LRRTM4: variants seen among roughly 807,000 people sequenced by gnomAD.
The protein encoded by LRRTM4 is leucine-rich repeat transmembrane neuronal protein 4.
Under a neutral mutation model 47.6 loss-of-function variants are expected in LRRTM4, and 25 were observed. The ratio of observed to expected loss-of-function variants is 0.53; its 90% CI spans 0.38 to 0.73. The LOEUF is 0.73. Ranked by LOEUF, LRRTM4 falls within the 30% of genes least tolerant of loss-of-function variation. LRRTM4 has a pLI of 0.00. For missense variants in LRRTM4, 638 were observed against 713.4 expected, an observed-to-expected ratio of 0.89 and a Z score of 1.20; for synonymous variants, 311 against 269.5, an observed-to-expected ratio of 1.15 and a Z score of -1.51.
At chr2:77,231,178 G>A (rs1019430186) in intron 3 of LRRTM4, among the ~76,000 whole-genome samples, 2 of 151,798 alleles carry the variant, frequency 1.3e-5, no homozygotes, top group Admixed American at 6.6e-5. Flanking sequence ...CCCATGGCGT[G>A]AGGATAAACA....
intron 3 of LRRTM4, among the ~76,000 whole-genome samples, chr2:77,036,542 T>C (rs1225110718): frequency 6.7e-6 from 1 of 148,646 alleles, no homozygotes; most frequent in African/African-American, 2.4e-5. Flanking sequence ...ACAATCCTTA[T>C]CATCATTTAC....
chr2:76,791,817 C>A (rs529355510), intron 3 of LRRTM4, among the ~76,000 whole-genome samples: 2 of 152,254 alleles, frequency 1.3e-5, no homozygotes, highest in East Asian at 3.9e-4. Flanking sequence ...GTATTTGTCA[C>A]AGGAAATCAA....
At chr2:77,144,743 C>T (rs1672211314) in intron 3 of LRRTM4, among the ~76,000 whole-genome samples, 1 of 151,940 alleles carries the variant, frequency 6.6e-6, no homozygotes, top group Non-Finnish European at 1.5e-5. Flanking sequence ...AGCCTATAGA[C>T]TATCATATGT....
intron 3 of LRRTM4, among the ~76,000 whole-genome samples, chr2:77,386,700 C>T (rs1673290994): frequency 1.3e-5 from 2 of 152,070 alleles, no homozygotes; most frequent in African/African-American, 2.4e-5. Flanking sequence ...GAAAACCAAA[C>T]ACCGCATGTT....
intron 3 of LRRTM4, among the ~76,000 whole-genome samples, chr2:76,932,828 C>A (rs2103838868): frequency 6.6e-6 from 1 of 151,412 alleles, no homozygotes; most frequent in African/African-American, 2.4e-5. Context: ...ATGATGTGTT[C>A]TTTTTTTGGT....
chr2:76,988,928 G>A (rs1676905579), intron 3 of LRRTM4, among the ~76,000 whole-genome samples: 1 of 151,710 alleles, frequency 6.6e-6, no homozygotes, highest in Admixed American at 6.6e-5. Flanking sequence ...GTAGTGTTTA[G>A]CAAAACAAAT....
intron 3 of LRRTM4, among the ~76,000 whole-genome samples, chr2:77,069,437 GTTT>G (rs1475859127): frequency 1.4e-4 from 20 of 146,964 alleles, no homozygotes; most frequent in Admixed American, 6.1e-4. Flanking sequence ...GTGTGTGTGT[GTTT>G]GTGTGTGTTG....
chr2:77,340,303 T>A (rs1282157124), intron 3 of LRRTM4, among the ~76,000 whole-genome samples: 1 of 151,802 alleles, frequency 6.6e-6, no homozygotes, highest in Non-Finnish European at 1.5e-5. Context: ...TTCACAGATC[T>A]TGGGGGTAAA....
chr2:76,795,984 G>A (rs537573197), intron 3 of LRRTM4, among the ~76,000 whole-genome samples: 203 of 146,262 alleles, frequency 1.4e-3, no homozygotes, highest in Middle Eastern at 3.4e-3. Context: ...GAAGCAGGGC[G>A]AGGCATTGCC....
intron 3 of LRRTM4, among the ~76,000 whole-genome samples, chr2:77,310,480 C>T (rs995636039): frequency 7.9e-5 from 12 of 152,112 alleles, no homozygotes; most frequent in Non-Finnish European, 7.4e-5. Context: ...GCTTGCCAGC[C>T]TCACGGACTA....
chr2:76,944,666 CTCT>C (rs1411987198), intron 3 of LRRTM4, among the ~76,000 whole-genome samples: 2 of 152,030 alleles, frequency 1.3e-5, no homozygotes, highest in Non-Finnish European at 2.9e-5. Context: ...CTCGTCTGCT[CTCT>C]TCAATTTTTT....
At chr2:76,823,271 G>A (rs867690631) in intron 3 of LRRTM4, among the ~76,000 whole-genome samples, 1 of 151,194 alleles carries the variant, frequency 6.6e-6, no homozygotes, top group Non-Finnish European at 1.5e-5. Context: ...TAGCAATAAA[G>A]ATTACCTTAT....
intron 3 of LRRTM4, among the ~76,000 whole-genome samples, chr2:77,047,622 A>G (rs1448699622): frequency 1.3e-5 from 2 of 151,966 alleles, no homozygotes; most frequent in East Asian, 1.9e-4. Flanking sequence ...TAATCTTGCC[A>G]TTTTATAAAG....
chr2:76,905,035 G>A (rs1335302819), intron 3 of LRRTM4, among the ~76,000 whole-genome samples: 2 of 152,126 alleles, frequency 1.3e-5, no homozygotes, highest in Non-Finnish European at 2.9e-5. Context: ...AGAACAGGCA[G>A]ACTGCCTCCT....
Position 76,981,418 on chromosome 2 carries a change from G to A in LRRTM4, c.1552-232502C>T, listed in dbSNP as rs1212589612. 1.1e-4 allele frequency among the ~76,000 whole-genome samples: 17 copies of A among 152,094 alleles called. 1 individual carries two copies. The highest frequency in any genetic ancestry group is 2.5e-4 in the Non-Finnish European group (17 of 67,994). Reference sequence around the variant, plus strand: ...GCATACATCTGCCATGGCAGAGACAGCTGGGCTTTGCAAATCAAAATCTAT... The same window carrying A: ...GCATACATCTGCCATGGCAGAGACAACTGGGCTTTGCAAATCAAAATCTAT... On this transcript the variant is annotated intron_variant, in intron 3 of 3. Transcript: ENST00000409884.
At chr2:76,934,712 C>T (rs1376964870) in intron 3 of LRRTM4, among the ~76,000 whole-genome samples, 1 of 152,134 alleles carries the variant, frequency 6.6e-6, no homozygotes, top group African/African-American at 2.4e-5. Flanking sequence ...AACAGCTCAC[C>T]ACTACTCCCA....
At chr2:77,329,458 T>A (rs1287778743) in intron 3 of LRRTM4, among the ~76,000 whole-genome samples, 1 of 152,016 alleles carries the variant, frequency 6.6e-6, no homozygotes, top group East Asian at 1.9e-4. Flanking sequence ...CCTCAAGGAG[T>A]TTACATCCTA....
chr2:77,338,191 T>A (rs1252403904), intron 3 of LRRTM4, among the ~76,000 whole-genome samples: 1 of 151,898 alleles, frequency 6.6e-6, no homozygotes, highest in Non-Finnish European at 1.5e-5. Context: ...AGAAATAATA[T>A]ATGACTAAGT....
At chr2:77,093,047 C>G (rs4572622) in intron 3 of LRRTM4, among the ~76,000 whole-genome samples, 55,799 of 141,108 alleles carry the variant, frequency 0.4, 14,332 homozygotes, top group East Asian at 0.67. Flanking sequence ...TTATTAGGCC[C>G]CAGTCTCATT....
Sources: allele counts gnomAD v4.1 joint callset (sites outside exome capture counted in the v4.1 genomes callset), GRCh38; gene constraint gnomAD v4.1.1; transcripts MANE v1.5; gene names NCBI Gene and HGNC (gene_info 2026-07-23, HGNC 2026-07-21).